Variants in ALK observed in about 807,000 individuals in gnomAD.
ALK encodes the protein ALK tyrosine kinase receptor.
A neutral mutation model predicts 163.1 loss-of-function variants in ALK; 74 were observed. The observed-to-expected ratio is 0.45, with a 90% CI of 0.38 to 0.55. ALK has a LOEUF of 0.55. Ranked by LOEUF, ALK falls within the 20% of genes least tolerant of loss-of-function variation. The pLI is 0.00. For synonymous variants in ALK, 960 were observed against 843.2 expected, an observed-to-expected ratio of 1.14 and a Z score of -2.40; for missense variants, 2,063 against 2,105.3, an observed-to-expected ratio of 0.98 and a Z score of 0.39.
intron 1 of ALK, among the ~76,000 whole-genome samples, chr2:29,745,539 C>T (rs1680187526): frequency 6.6e-6 from 1 of 152,174 alleles, no homozygotes; most frequent in South Asian, 2.1e-4. Flanking sequence ...GTTTGGAGTA[C>T]TCCTGGTGAA....
intron 4 of ALK, among the ~76,000 whole-genome samples, chr2:29,492,284 T>G (rs1671920275): frequency 6.6e-6 from 1 of 152,156 alleles, no homozygotes; most frequent in Non-Finnish European, 1.5e-5. Flanking sequence ...TCATCAACAT[T>G]GTCATCAATG....
intron 4 of ALK, among the ~76,000 whole-genome samples, chr2:29,466,838 G>C (rs760910760): frequency 1.3e-5 from 2 of 152,212 alleles, no homozygotes; most frequent in South Asian, 4.1e-4. Flanking sequence ...ACAGTTCTCT[G>C]GATCATTGAA....
chr2:29,621,652 C>T (rs1355728687), intron 3 of ALK, among the ~76,000 whole-genome samples: 1 of 152,214 alleles, frequency 6.6e-6, no homozygotes, highest in Non-Finnish European at 1.5e-5. Context: ...CACTGTTGCC[C>T]AACTTGATCT....
chr2:29,475,939 C>A (rs1394432228), intron 4 of ALK, among the ~76,000 whole-genome samples: 1 of 152,202 alleles, frequency 6.6e-6, no homozygotes, highest in Non-Finnish European at 1.5e-5. Context: ...AGTCTCACAA[C>A]TGCAATGAAG....
Position 29,239,722 on chromosome 2 carries a change from C to T in ALK, c.2313G>A (p.Leu771=), listed in dbSNP as rs538761543. ...GIFNLEKDDM[L]YILVGQQGED... is the part of the protein sequence containing the mutation. ...CTCCCTGCTGCCCAACCAGGATGTA[C>T]AGCATGTCATCCTTCTCCAGGTTGA... Residue 771 remains leucine, a synonymous_variant, in exon 13 of 29, where the codon CTG becomes CTA. Coordinates refer to ENST00000389048, the MANE Select transcript of ALK (RefSeq NM_004304.5). The T allele has an allele frequency of 1.3e-5, 21 of 1,614,086 alleles. No homozygotes were observed. In the African/African-American group the frequency reaches 2.8e-4, roughly 22 times the overall value.
intron 1 of ALK, among the ~76,000 whole-genome samples, chr2:29,748,528 C>A (rs1035190911): frequency 1.8e-4 from 28 of 152,010 alleles, no homozygotes; most frequent in African/African-American, 6.8e-4. Flanking sequence ...TGCCGCTGGT[C>A]AAACACTATA....
At chr2:29,289,042 G>T (rs1353528473) in intron 9 of ALK, among the ~76,000 whole-genome samples, 1 of 151,676 alleles carries the variant, frequency 6.6e-6, no homozygotes, top group Non-Finnish European at 1.5e-5. Context: ...CTGCTTCTTA[G>T]TTGTGTGCCT....
chr2:29,895,228 G>A (rs1244480036), intron 1 of ALK, among the ~76,000 whole-genome samples: 1 of 152,208 alleles, frequency 6.6e-6, no homozygotes, highest in East Asian at 1.9e-4. Flanking sequence ...AGCTCTGAAA[G>A]TTGTTACTTG....
chr2:29,692,844 A>T (rs1345237390), intron 3 of ALK, among the ~76,000 whole-genome samples: 1 of 152,258 alleles, frequency 6.6e-6, no homozygotes, highest in Non-Finnish European at 1.5e-5. Context: ...AAATAATTCA[A>T]ATGTTCAATG....
At chr2:29,798,273 T>TATTATTAA (rs1664374427) in intron 1 of ALK, among the ~76,000 whole-genome samples, 1 of 152,220 alleles carries the variant, frequency 6.6e-6, no homozygotes, top group South Asian at 2.1e-4. Context: ...ATTAAATTGG[T>TATTATTAA]ATCATCACCA....
chr2:29,265,287 G>A (rs550841137), intron 11 of ALK, among the ~76,000 whole-genome samples: 183 of 152,172 alleles, frequency 1.2e-3, no homozygotes, highest in South Asian at 2.7e-3. Flanking sequence ...CAAAGTGCTG[G>A]GATTACAGGC....
intron 3 of ALK, among the ~76,000 whole-genome samples, chr2:29,635,870 A>G (rs993916176): frequency 3.3e-5 from 5 of 151,940 alleles, no homozygotes; most frequent in African/African-American, 1.2e-4. Flanking sequence ...ACCTCAAGTA[A>G]TCCACCCACC....
intron 5 of ALK, among the ~76,000 whole-genome samples, chr2:29,372,115 C>G (rs989258770): frequency 6.6e-6 from 1 of 152,222 alleles, no homozygotes; most frequent in African/African-American, 2.4e-5. Flanking sequence ...CACACTGATT[C>G]TTTGGGTTTG....
At chr2:29,393,589 C>T (rs1669231863) in intron 4 of ALK, among the ~76,000 whole-genome samples, 1 of 152,220 alleles carries the variant, frequency 6.6e-6, no homozygotes, top group Admixed American at 6.5e-5. Context: ...CAATGGCTCA[C>T]TCTTCATCAA....
At chr2:29,859,042 A>ACAAACAAACAAG (rs1668369250) in intron 1 of ALK, among the ~76,000 whole-genome samples, 1 of 151,750 alleles carries the variant, frequency 6.6e-6, no homozygotes, top group Non-Finnish European at 1.5e-5. Flanking sequence ...CAAAAAACAA[A>ACAAACAAACAAG]CAAACAAACA....
intron 3 of ALK, among the ~76,000 whole-genome samples, chr2:29,563,236 A>T (rs1194082664): frequency 6.6e-6 from 1 of 152,194 alleles, no homozygotes; most frequent in East Asian, 1.9e-4. Context: ...GTGTCTTTAC[A>T]TATGGTTTTG....
chr2:29,545,902 T>C (rs1264103801), intron 3 of ALK, among the ~76,000 whole-genome samples: 1 of 152,162 alleles, frequency 6.6e-6, no homozygotes, highest in Admixed American at 6.5e-5. Context: ...GTAGTACAAT[T>C]TGCACAATTA....
chr2:29,302,629 T>G (rs1336164962), intron 8 of ALK, among the ~76,000 whole-genome samples: 1 of 152,228 alleles, frequency 6.6e-6, no homozygotes, highest in Non-Finnish European at 1.5e-5. Flanking sequence ...ATGCACTCTC[T>G]GAGTTTCAAC....
At chr2:29,542,187 C>T (rs1187353864) in intron 3 of ALK, among the ~76,000 whole-genome samples, 4 of 152,106 alleles carry the variant, frequency 2.6e-5, no homozygotes, top group African/African-American at 7.2e-5. Context: ...CCTCGGTCCC[C>T]ACAGAATCAG....
Sources: allele counts gnomAD v4.1 joint callset (sites outside exome capture counted in the v4.1 genomes callset), GRCh38; gene constraint gnomAD v4.1.1; transcripts MANE v1.5; gene names NCBI Gene and HGNC (gene_info 2026-07-23, HGNC 2026-07-21).